Variants in RFX1 observed in about 807,000 individuals in gnomAD.
RFX1 encodes regulatory factor X1, also known as MHC class II regulatory factor RFX1.
A neutral mutation model predicts 119.6 loss-of-function variants in RFX1; 42 were observed. The ratio of observed to expected loss-of-function variants is 0.35; its 90% CI spans 0.27 to 0.45. The LOEUF (loss-of-function observed/expected upper bound fraction) is 0.45, where lower values mean the gene tolerates loss of function less well. RFX1 is among the 20% of genes least tolerant of loss of function. RFX1 has a pLI of 1.00. For synonymous variants in RFX1, 628 were observed against 618.5 expected (o/e 1.02, Z -0.23); for missense variants, 1,118 against 1,368.1 (o/e 0.82, Z 2.88).
Position 13,965,575 on chromosome 19 carries a change from G to A in RFX1, c.2114-29C>T. On this transcript the variant is annotated intron_variant, in intron 15 of 20. Coordinates refer to ENST00000254325, the MANE Select transcript of RFX1 (RefSeq NM_002918.5). The surrounding 1 kb of genome is among the most constrained non-coding windows in gnomAD (Gnocchi z 4.7). ...TGGGCGGTGGCGGGGGTCGGTCAGGGCAGGGCGGGTGTATGTGGGGCAGGG... is the reference window on the plus strand; with the variant it reads ...TGGGCGGTGGCGGGGGTCGGTCAGGACAGGGCGGGTGTATGTGGGGCAGGG... 3.7e-6 allele frequency: 6 copies of A among 1,612,248 alleles called. No individual in the cohort carries two copies. Among genetic ancestry groups the A allele is most frequent in the Non-Finnish European group, 5.1e-6 (6 of 1,179,422 alleles).
intron 5 of RFX1, 151 bp downstream of exon 5, chr19:13,981,970 G>C: frequency 2.6e-6 from 1 of 379,046 alleles, no homozygotes; most frequent in Non-Finnish European, 4.7e-6. Flanking sequence ...GTCAACAAGG[G>C]CGTTGCACTG....
At chr19:14,001,663 G>C (rs1975220835) in intron 1 of RFX1, among the ~76,000 whole-genome samples, 1 of 152,202 alleles carries the variant, frequency 6.6e-6, no homozygotes, top group South Asian at 2.1e-4. Context: ...GGGCCCCACA[G>C]GCAGAGACCT....
intron 20 of RFX1, 42 bp downstream of exon 20, chr19:13,962,952 C>T (rs753854399): frequency 6.5e-7 from 1 of 1,548,096 alleles, no homozygotes; most frequent in South Asian, 1.2e-5. Context: ...TTGTCCGCCA[C>T]CCCCGGGACC....
intron 7 of RFX1, 132 bp downstream of exon 7, chr19:13,979,315 G>T: frequency 1.8e-6 from 1 of 546,878 alleles, no homozygotes; most frequent in Non-Finnish European, 3.1e-6. Flanking sequence ...GGCCGGGAAA[G>T]GGGAAGGATG....
chr19:13,993,428 T>G, intron 2 of RFX1, 97 bp downstream of exon 2: 1 of 1,250,010 alleles, frequency 8.0e-7, no homozygotes, highest in Non-Finnish European at 1.1e-6. Flanking sequence ...TCCAGAAACC[T>G]TGGGGGGCAT....
At chr19:13,994,893 C>CAT (rs566150731) in intron 1 of RFX1, among the ~76,000 whole-genome samples, 1,489 of 58,494 alleles carry the variant, frequency 0.025, 13 homozygotes, top group East Asian at 0.032. Flanking sequence ...AATATACATA[C>CAT]ATATATATAT....
chr19:14,002,581 C>T (rs1362263439), intron 1 of RFX1, among the ~76,000 whole-genome samples: 3 of 152,168 alleles, frequency 2.0e-5, no homozygotes, highest in Admixed American at 2.0e-4. Flanking sequence ...ATAAATGATG[C>T]ACCAGAACAC....
Position 13,965,523 on chromosome 19 carries a change from T to A in RFX1, c.2137A>T (p.Asn713Tyr). 1 of 1,613,078 alleles carries A rather than the reference T, an allele frequency of 6.2e-7. No individual in the cohort carries two copies. The highest frequency in any genetic ancestry group is 8.5e-7 in the Non-Finnish European group (1 of 1,179,870). ...CAGCTCTCCAGGCTCTTGGCAAAGTTCCGGATCGCTTGGGTCAAGGCACCT... is the reference window on the plus strand; with the variant it reads ...CAGCTCTCCAGGCTCTTGGCAAAGTACCGGATCGCTTGGGTCAAGGCACCT... ...IPSALTQAIR[N>Y]FAKSLESWLT... Residue 713 changes from asparagine (N) to tyrosine (Y), a missense_variant, in exon 16 of 21, where the codon AAC becomes TAC. Asn to Tyr is a moderately radical substitution (Grantham distance 143). Around this residue, in one of 5 missense-constraint regions of RFX1, gnomAD observed 338 missense variants for 508.9 expected, o/e 0.66. Transcript: ENST00000254325. The surrounding 1 kb of genome is among the most constrained non-coding windows in gnomAD (Gnocchi z 4.7).
chr19:13,984,705 G>A (rs1568473106), intron 2 of RFX1, among the ~76,000 whole-genome samples: 1 of 152,096 alleles, frequency 6.6e-6, no homozygotes, highest in African/African-American at 2.4e-5. Flanking sequence ...CCATCAAGGA[G>A]CCAAGGTCCC....
chr19:13,992,660 T>A (rs1974844276), intron 2 of RFX1, among the ~76,000 whole-genome samples: 1 of 151,942 alleles, frequency 6.6e-6, no homozygotes, highest in Non-Finnish European at 1.5e-5. Context: ...CTCGCATGCG[T>A]CCCCTGAGAG....
intron 1 of RFX1, among the ~76,000 whole-genome samples, chr19:14,002,771 C>T (rs935482011): frequency 3.3e-5 from 5 of 152,180 alleles, no homozygotes; most frequent in Admixed American, 6.5e-5. Context: ...ACGTCCTGTA[C>T]AGCTGCTATT....
intron 2 of RFX1, among the ~76,000 whole-genome samples, chr19:13,988,365 G>T (rs535144437): frequency 3.4e-4 from 52 of 152,276 alleles, no homozygotes; most frequent in African/African-American, 1.2e-3. Flanking sequence ...AGAAGCCAAG[G>T]TCAAGAGTGG....
At position 13,969,859 on chromosome 19, in the gene RFX1, G is replaced by T; in HGVS notation, c.1496+135C>A. ...CAAAGGCCTAGAGTGGGAGTGAGCG[G>T]GGCTGTCGAGGAGCCTCGCAGAGGC... On this transcript the variant is annotated intron_variant, in intron 10 of 20. Transcript: ENST00000254325. This position sits in a 1 kb window ranked among gnomAD's most constrained non-coding sequence, Gnocchi z 4.5. The T allele has an allele frequency of 1.2e-6, 1 of 800,858 alleles. No homozygotes were observed. The highest frequency in any genetic ancestry group is 1.9e-6 in the Non-Finnish European group (1 of 513,790). The allele number at this position is 800,858 out of a possible 1,614,324, so 49.6% of individuals were successfully genotyped here. A position where few individuals can be genotyped will look rare whatever the true frequency, so the allele number is the denominator to read the frequency against.
At chr19:13,995,718 GCACA>G (rs1974989207) in intron 1 of RFX1, among the ~76,000 whole-genome samples, 2 of 152,042 alleles carry the variant, frequency 1.3e-5, no homozygotes, top group African/African-American at 4.8e-5. Flanking sequence ...GGGCATGGTG[GCACA>G]TGCCTGTAAT....
intron 7 of RFX1, 94 bp downstream of exon 7, chr19:13,979,353 C>CCT: frequency 2.5e-6 from 2 of 791,256 alleles, no homozygotes; most frequent in South Asian, 4.2e-5. Context: ...CTCACAGAGG[C>CCT]ATTTCCCTCC....
chr19:13,969,745 G>A lies in RFX1; in HGVS notation c.1496+249C>T, dbSNP rs909677818. On this transcript the variant is annotated intron_variant, in intron 10 of 20. Transcript: ENST00000254325. This position sits in a 1 kb window ranked among gnomAD's most constrained non-coding sequence, Gnocchi z 4.5. ...GTTGGGGGGTGTCGGGCAGGGGAGA[G>A]GGGGAGGCTGCAGTTTTAGTTGAGG... 4 of 445,740 alleles carry A rather than the reference G, an allele frequency of 9.0e-6. No homozygotes were observed. The highest frequency in any genetic ancestry group is 5.3e-5 in the South Asian group (1 of 18,854). 27.6% of individuals were successfully genotyped at this position (445,740 alleles called of 1,614,324 possible). A position where few individuals can be genotyped will look rare whatever the true frequency, so the allele number is the denominator to read the frequency against.
rs57542235 is a variant in RFX1 at position 13,995,851 on chromosome 19, CAAAAAAAAAA to C, written c.-52-1966_-52-1957del. Among the ~76,000 whole-genome samples, 311 of 35,636 alleles carry C rather than the reference CAAAAAAAAAA, an allele frequency of 8.7e-3. 3 individuals carry two copies. Among genetic ancestry groups the C allele is most frequent in the African/African-American group, 0.021 (296 of 14,154 alleles). 23.4% of individuals were successfully genotyped at this position (35,636 alleles called of 152,430 possible). A position where few individuals can be genotyped will look rare whatever the true frequency, so the allele number is the denominator to read the frequency against. The stretch of plus-strand genomic sequence containing the variant: ...GGGCAACAAAGTGACACTCTGTCTC[CAAAAAAAAAA>C]AAAAAAAAAAAAAAAAATTAAACGG... On this transcript the variant is annotated intron_variant, in intron 1 of 20. Coordinates refer to ENST00000254325, the MANE Select transcript of RFX1 (RefSeq NM_002918.5).
At chr19:13,989,523 C>A (rs1169279129) in intron 2 of RFX1, among the ~76,000 whole-genome samples, 1 of 151,634 alleles carries the variant, frequency 6.6e-6, no homozygotes, top group East Asian at 1.9e-4. Flanking sequence ...GCGCCCACCA[C>A]CACACCCAGC....
At chr19:13,999,769 G>A (rs752817437) in intron 1 of RFX1, among the ~76,000 whole-genome samples, 50 of 151,888 alleles carry the variant, frequency 3.3e-4, no homozygotes, top group Non-Finnish European at 4.1e-4. Context: ...TCTGCCTCCC[G>A]GGTTCAAGTG....
Sources: allele counts gnomAD v4.1 joint callset (sites outside exome capture counted in the v4.1 genomes callset), GRCh38; gene constraint gnomAD v4.1.1; regional missense constraint gnomAD v4.1.1; non-coding constraint Gnocchi (gnomAD v3.1); transcripts MANE v1.5; gene names NCBI Gene and HGNC (gene_info 2026-07-23, HGNC 2026-07-21).